C12orf42: variants seen among roughly 807,000 people sequenced by gnomAD.
C12orf42 encodes uncharacterized protein C12orf42.
C12orf42 carries 25 observed loss-of-function variants against 21.6 expected under a neutral mutation model. The observed-to-expected ratio is 1.16, with a 90% confidence interval of 0.84 to 1.62. The LOEUF (loss-of-function observed/expected upper bound fraction) is 1.62, where lower values mean the gene tolerates loss of function less well. Ranked by LOEUF, C12orf42 falls within the 40% of genes most tolerant of loss-of-function variation. The pLI, the probability that C12orf42 is intolerant of heterozygous loss-of-function variation, is 0.00. For synonymous variants in C12orf42, 174 were observed against 175.0 expected, an observed-to-expected ratio of 0.99 and a Z score of 0.05; for missense variants, 483 against 459.3, an observed-to-expected ratio of 1.05 and a Z score of -0.47.
chr12:103,548,060 A>G, the C12orf42 span: 1 of 152,260 alleles, frequency 6.6e-6, no homozygotes, highest in Non-Finnish European at 1.5e-5. Context: ...GATGAAAAAA[A>G]TAAGGTTTTA....
At chr12:103,187,591 A>C in the C12orf42 span, among the ~76,000 whole-genome samples, 1 of 152,320 alleles carries the variant, frequency 6.6e-6, no homozygotes, top group East Asian at 1.9e-4. Flanking sequence ...TTTTCATATC[A>C]ATGAGAATGA....
chr12:103,493,923 C>G lies in C12orf42; in HGVS notation c.-22+1979G>C, dbSNP rs1381358237. On this transcript the variant is annotated intron_variant, in intron 1 of 5. Coordinates refer to ENST00000548883, the MANE Select transcript of C12orf42 (RefSeq NM_198521.5). ...AGATAATGATTTCTAACTTCATCTT[C>G]AAGATAAGTCATCTTTCTTTGAATT... 2.6e-5 allele frequency among the ~76,000 whole-genome samples: 4 copies of G among 152,284 alleles called. No individual in the cohort carries two copies. The South Asian group carries it at 6.2e-4, about 24-fold the overall frequency.
At chr12:103,439,771 A>G (rs2139524788) in intron 2 of C12orf42, among the ~76,000 whole-genome samples, 1 of 151,996 alleles carries the variant, frequency 6.6e-6, no homozygotes, top group South Asian at 2.1e-4. Flanking sequence ...GATGCTGGAG[A>G]GGATGTGGAG....
intron 4 of C12orf42, among the ~76,000 whole-genome samples, chr12:103,336,894 C>G (rs1404122496): frequency 6.6e-6 from 1 of 152,098 alleles, no homozygotes; most frequent in Non-Finnish European, 1.5e-5. Flanking sequence ...CTTGGTTGAA[C>G]AAAGGGTTCT....
the C12orf42 span, among the ~76,000 whole-genome samples, chr12:103,169,397 C>T: frequency 6.6e-6 from 1 of 151,540 alleles, no homozygotes; most frequent in Admixed American, 6.6e-5. Flanking sequence ...TTCTCTTTTG[C>T]CTATTAAACT....
intron 4 of C12orf42, among the ~76,000 whole-genome samples, chr12:103,366,716 A>G (rs1402627698): frequency 1.3e-5 from 2 of 152,124 alleles, no homozygotes; most frequent in African/African-American, 4.8e-5. Flanking sequence ...AATGCTCAAC[A>G]ACACTAATAA....
At chr12:103,114,447 A>G in the C12orf42 span, among the ~76,000 whole-genome samples, 1 of 152,128 alleles carries the variant, frequency 6.6e-6, no homozygotes, top group Non-Finnish European at 1.5e-5. Context: ...TTTGTGAGAA[A>G]TGCAAGTTCT....
chr12:103,107,129 A>G, the C12orf42 span, among the ~76,000 whole-genome samples: 5 of 152,042 alleles, frequency 3.3e-5, no homozygotes, highest in Non-Finnish European at 7.4e-5. Flanking sequence ...CAATTGGCAA[A>G]CTTGATATAG....
downstream of C12orf42, chr12:103,301,868 CA>C: frequency 4.0e-6 from 2 of 501,282 alleles, no homozygotes; most frequent in East Asian, 7.2e-5. Flanking sequence ...TATTGTGAGG[CA>C]CAAATTCTTT....
At chr12:103,366,302 C>T (rs1189706361) in intron 4 of C12orf42, among the ~76,000 whole-genome samples, 1 of 152,008 alleles carries the variant, frequency 6.6e-6, no homozygotes, top group Non-Finnish European at 1.5e-5. Flanking sequence ...TCACATTATA[C>T]AAAATTCTAC....
At chr12:103,199,561 T>G in the C12orf42 span, among the ~76,000 whole-genome samples, 1 of 152,104 alleles carries the variant, frequency 6.6e-6, no homozygotes, top group Non-Finnish European at 1.5e-5. Context: ...AAACCACATA[T>G]TTGATAAAGG....
chr12:103,204,686 T>A, the C12orf42 span, among the ~76,000 whole-genome samples: 1 of 152,198 alleles, frequency 6.6e-6, no homozygotes, highest in Non-Finnish European at 1.5e-5. Context: ...TATATTTCAC[T>A]GTATCTGTAT....
At chr12:103,400,015 T>G (rs1566241199) in intron 3 of C12orf42, among the ~76,000 whole-genome samples, 2 of 152,138 alleles carry the variant, frequency 1.3e-5, no homozygotes, top group Non-Finnish European at 2.9e-5. Context: ...ATACTATATA[T>G]AAAACAAATA....
intron 4 of C12orf42, among the ~76,000 whole-genome samples, chr12:103,322,825 A>G (rs530850693): frequency 2.6e-5 from 4 of 152,334 alleles, no homozygotes; most frequent in African/African-American, 9.6e-5. Flanking sequence ...AGATACTTTG[A>G]TAAGTTGTGA....
At chr12:103,079,318 G>T in the C12orf42 span, among the ~76,000 whole-genome samples, 2 of 152,152 alleles carry the variant, frequency 1.3e-5, no homozygotes, top group African/African-American at 2.4e-5. Flanking sequence ...TCAGGGCTGA[G>T]TTCAATAGTA....
the C12orf42 span, among the ~76,000 whole-genome samples, chr12:103,546,654 A>G: frequency 6.8e-4 from 104 of 152,354 alleles, 3 homozygotes; most frequent in East Asian, 0.011. Context: ...GCTTGAAGAT[A>G]CTAAAACTTA....
chr12:103,480,996 G>A (rs1261158627), intron 1 of C12orf42, among the ~76,000 whole-genome samples: 1 of 151,480 alleles, frequency 6.6e-6, no homozygotes, highest in African/African-American at 2.4e-5. Context: ...TCCCACTAAT[G>A]TATTGGGTCT....
chr12:103,242,642 G>A (rs891370576), intron 10 of C12orf42, among the ~76,000 whole-genome samples: 2 of 152,076 alleles, frequency 1.3e-5, no homozygotes, highest in South Asian at 2.1e-4. Context: ...AGCATCAGAT[G>A]TGCACTCACA....
chr12:103,130,478 T>A, the C12orf42 span, among the ~76,000 whole-genome samples: 1 of 152,086 alleles, frequency 6.6e-6, no homozygotes, highest in Non-Finnish European at 1.5e-5. Context: ...GCCCTTTGAA[T>A]TGGAAGAATA....
Sources: allele counts gnomAD v4.1 joint callset (sites outside exome capture counted in the v4.1 genomes callset), GRCh38; gene constraint gnomAD v4.1.1; transcripts MANE v1.5; gene names NCBI Gene and HGNC (gene_info 2026-07-23, HGNC 2026-07-21).